Variants in RSPO2 observed in about 807,000 individuals in gnomAD.
The protein encoded by RSPO2 is R-spondin 2.
Under a neutral mutation model 30.9 loss-of-function variants are expected in RSPO2, and 14 were observed. The ratio of observed to expected loss-of-function variants is 0.45; its 90% CI spans 0.30 to 0.71. The LOEUF is 0.71. RSPO2 is among the 30% of genes least tolerant of loss of function. The pLI is 0.08. For synonymous variants in RSPO2, 107 were observed against 96.4 expected, an observed-to-expected ratio of 1.11 and a Z score of -0.64; for missense variants, 264 against 301.9, an observed-to-expected ratio of 0.87 and a Z score of 0.93.
At chr8:107,953,159 C>A (rs1267237059) in intron 5 of RSPO2, among the ~76,000 whole-genome samples, 2 of 152,126 alleles carry the variant, frequency 1.3e-5, no homozygotes, top group African/African-American at 4.8e-5. Flanking sequence ...AAAAACATGC[C>A]AGGCACAGAG....
At chr8:108,053,707 T>A (rs1303518269) in intron 2 of RSPO2, among the ~76,000 whole-genome samples, 1 of 152,138 alleles carries the variant, frequency 6.6e-6, no homozygotes, top group Admixed American at 6.5e-5. Context: ...GTGATTAAAA[T>A]CCTATTAAAA....
intron 2 of RSPO2, among the ~76,000 whole-genome samples, chr8:108,057,196 T>C (rs73307370): frequency 0.052 from 7,864 of 151,910 alleles, 633 homozygotes; most frequent in African/African-American, 0.17. Flanking sequence ...ATTTTAAAAT[T>C]TGATGTTGAA....
chr8:107,935,491 C>G (rs571717098), intron 5 of RSPO2, among the ~76,000 whole-genome samples: 1 of 152,092 alleles, frequency 6.6e-6, no homozygotes, highest in East Asian at 1.9e-4. Context: ...TTAGAGACAA[C>G]TGCCCAAGCC....
intron 5 of RSPO2, among the ~76,000 whole-genome samples, chr8:107,957,740 CA>C (rs1367822554): frequency 1.3e-5 from 2 of 152,146 alleles, no homozygotes; most frequent in East Asian, 3.9e-4. Context: ...TCCCTCAGAG[CA>C]ACATCTGCGA....
At chr8:107,937,467 C>T (rs534709745) in intron 5 of RSPO2, among the ~76,000 whole-genome samples, 190 of 151,418 alleles carry the variant, frequency 1.3e-3, no homozygotes, top group Non-Finnish European at 2.1e-3. Flanking sequence ...TCAGTCTCCA[C>T]AGTATCAGAG....
At chr8:107,944,736 T>C (rs1813000523) in intron 5 of RSPO2, among the ~76,000 whole-genome samples, 1 of 152,194 alleles carries the variant, frequency 6.6e-6, no homozygotes, top group Admixed American at 6.5e-5. Flanking sequence ...CTTTCACCTC[T>C]CAGCACTTTA....
intron 3 of RSPO2, chr8:107,983,387 A>G (rs981932179): frequency 1.9e-6 from 3 of 1,606,950 alleles, no homozygotes; most frequent in Admixed American, 1.7e-5. Context: ...CAGAACACAG[A>G]CAAGGATGTA....
intron 2 of RSPO2, among the ~76,000 whole-genome samples, chr8:108,079,020 C>T (rs979736810): frequency 1.3e-5 from 2 of 152,260 alleles, no homozygotes; most frequent in African/African-American, 4.8e-5. Flanking sequence ...TGAAATGTGG[C>T]TTACAACCAT....
At chr8:108,059,410 T>C (rs1812373141) in intron 2 of RSPO2, among the ~76,000 whole-genome samples, 1 of 151,626 alleles carries the variant, frequency 6.6e-6, no homozygotes, top group African/African-American at 2.4e-5. Context: ...GGTGGGACTG[T>C]AAACTAGTTC....
chr8:108,010,359 T>C (rs181956583), intron 2 of RSPO2, among the ~76,000 whole-genome samples: 2 of 152,212 alleles, frequency 1.3e-5, no homozygotes, highest in African/African-American at 4.8e-5. Context: ...CACAAGAAGA[T>C]AGCTGCAAAG....
chr8:107,983,476 C>G, intron 3 of RSPO2: 2 of 1,597,320 alleles, frequency 1.3e-6, no homozygotes, highest in East Asian at 4.5e-5. Context: ...GAAGTACAGC[C>G]CTTCCACAGA....
intron 2 of RSPO2, 65 bp downstream of exon 2, chr8:108,082,480 T>G: frequency 3.3e-5 from 43 of 1,287,352 alleles, no homozygotes; most frequent in Non-Finnish European, 4.7e-5. Flanking sequence ...AGCCAGGGCG[T>G]GAGTGAGCGC....
rs1487568716 is a variant in RSPO2 at position 107,900,532 on chromosome 8, G to C, written c.*543C>G. Reference sequence around the variant, plus strand: ...TTTATATGTAGCTCCTGCAGTATATGTACATATTAGGGCTGCAGTGAAACT... The same window carrying C: ...TTTATATGTAGCTCCTGCAGTATATCTACATATTAGGGCTGCAGTGAAACT... On this transcript the variant is annotated 3_prime_UTR_variant, in exon 6 of 6. Transcript: ENST00000276659. 6.5e-6 allele frequency: 1 copy of C among 152,794 alleles called. No homozygotes were observed. The highest frequency in any genetic ancestry group is 1.5e-5 in the Non-Finnish European group (1 of 68,260). 9.5% of individuals were successfully genotyped at this position (152,794 alleles called of 1,614,324 possible).
At chr8:107,925,574 G>A (rs1473363784) in intron 5 of RSPO2, among the ~76,000 whole-genome samples, 1 of 151,514 alleles carries the variant, frequency 6.6e-6, no homozygotes, top group Non-Finnish European at 1.5e-5. Context: ...CCCACATCAG[G>A]CCCCGGTGTG....
At chr8:108,008,780 T>C (rs1160446992) in intron 2 of RSPO2, among the ~76,000 whole-genome samples, 2 of 124,228 alleles carry the variant, frequency 1.6e-5, no homozygotes, top group Admixed American at 8.1e-5. Flanking sequence ...AAAAAGGTCA[T>C]AAACTGCAAA....
At chr8:107,975,163 T>G (rs1189419752) in intron 3 of RSPO2, among the ~76,000 whole-genome samples, 1 of 152,238 alleles carries the variant, frequency 6.6e-6, no homozygotes, top group African/African-American at 2.4e-5. Flanking sequence ...ACCACCTTCC[T>G]AGATAATTCA....
intron 5 of RSPO2, among the ~76,000 whole-genome samples, chr8:107,918,578 T>C (rs923813435): frequency 6.6e-6 from 1 of 152,224 alleles, no homozygotes; most frequent in South Asian, 2.1e-4. Flanking sequence ...CAAGTGATCT[T>C]AGGACCTCCA....
At chr8:108,070,801 A>G (rs1337921590) in intron 2 of RSPO2, among the ~76,000 whole-genome samples, 2 of 152,212 alleles carry the variant, frequency 1.3e-5, no homozygotes, top group African/African-American at 2.4e-5. Context: ...GCTGTTGGAA[A>G]GAGGCAGCTT....
intron 2 of RSPO2, among the ~76,000 whole-genome samples, chr8:107,999,600 A>G (rs1010052423): frequency 1.3e-5 from 2 of 152,050 alleles, no homozygotes; most frequent in African/African-American, 4.8e-5. Flanking sequence ...ACACCCAGCT[A>G]ATTTTTGTAT....
Sources: gnomAD v4.1 joint callset for allele counts (sites outside exome capture counted in the v4.1 genomes callset) on GRCh38, gnomAD v4.1.1 for gene constraint, MANE v1.5 for transcripts, NCBI Gene and HGNC (gene_info 2026-07-23, HGNC 2026-07-21) for gene names.